Variants in TEX2 observed in about 807,000 individuals in gnomAD.
The protein encoded by TEX2 is testis-expressed protein 2.
Under a neutral mutation model 106.9 loss-of-function variants are expected in TEX2, and 53 were observed. The observed-to-expected ratio is 0.50, with a 90% confidence interval of 0.40 to 0.62. The LOEUF (loss-of-function observed/expected upper bound fraction) is 0.62. Ranked by LOEUF, TEX2 falls within the 20% of genes least tolerant of loss-of-function variation. The pLI is 0.00. For missense variants in TEX2, 1,207 were observed against 1,379.0 expected (o/e 0.88, Z 1.98); for synonymous variants, 523 against 534.8 (o/e 0.98, Z 0.30).
intron 1 of TEX2, among the ~76,000 whole-genome samples, chr17:64,241,184 C>T (rs2033881150): frequency 6.6e-6 from 1 of 152,176 alleles, no homozygotes; most frequent in African/African-American, 2.4e-5. Flanking sequence ...GGGGTCGGTT[C>T]ATGCGTCTGG....
Position 64,148,948 on chromosome 17 carries a change from G to A in TEX2, c.*21C>T, listed in dbSNP as rs1395585704. On this transcript the variant is annotated 3_prime_UTR_variant, in exon 12 of 12. Transcript: ENST00000584379. ...ACATCCAGCTCGATGTCACAATATGGGGAACATCTGACATCACCCATCATG... is the reference window on the plus strand; with the variant it reads ...ACATCCAGCTCGATGTCACAATATGAGGAACATCTGACATCACCCATCATG... 1 of 1,613,792 alleles carries A rather than the reference G, an allele frequency of 6.2e-7. No homozygotes were observed. Among genetic ancestry groups the A allele is most frequent in the Non-Finnish European group, 8.5e-7 (1 of 1,179,874 alleles).
At chr17:64,186,800 T>C (rs1307613468) in intron 5 of TEX2, among the ~76,000 whole-genome samples, 1 of 151,876 alleles carries the variant, frequency 6.6e-6, no homozygotes, top group Non-Finnish European at 1.5e-5. Flanking sequence ...CACTCCAGCC[T>C]GGGTGACACT....
intron 6 of TEX2, among the ~76,000 whole-genome samples, chr17:64,173,640 T>C (rs1305360048): frequency 6.6e-6 from 1 of 152,194 alleles, no homozygotes; most frequent in Non-Finnish European, 1.5e-5. Flanking sequence ...GGAGAACCTT[T>C]TTCCAAAGCA....
intron 2 of TEX2, among the ~76,000 whole-genome samples, chr17:64,210,324 G>A (rs1471536153): frequency 1.3e-5 from 2 of 152,022 alleles, no homozygotes; most frequent in Admixed American, 1.3e-4. Context: ...CCATGTGAAA[G>A]AAAGAAAAAA....
At chr17:64,192,403 C>T (rs1488883972) in intron 4 of TEX2, among the ~76,000 whole-genome samples, 2 of 152,168 alleles carry the variant, frequency 1.3e-5, no homozygotes, top group South Asian at 4.1e-4. Context: ...TGGAGTGATG[C>T]GGCTGCGGGC....
At chr17:64,238,778 G>A (rs782303909) in intron 1 of TEX2, among the ~76,000 whole-genome samples, 2 of 152,168 alleles carry the variant, frequency 1.3e-5, no homozygotes, top group Non-Finnish European at 2.9e-5. Flanking sequence ...AATTCAAGAT[G>A]AGATATGGGT....
chr17:64,177,739 T>C (rs1052097891), intron 5 of TEX2, among the ~76,000 whole-genome samples: 1 of 152,242 alleles, frequency 6.6e-6, no homozygotes, highest in Non-Finnish European at 1.5e-5. Context: ...TTCATACTAT[T>C]AGCTTAGCCA....
intron 2 of TEX2, among the ~76,000 whole-genome samples, chr17:64,207,151 T>G (rs782249700): frequency 3.9e-5 from 6 of 152,232 alleles, no homozygotes; most frequent in Admixed American, 6.5e-5. Flanking sequence ...AAAACTGCAA[T>G]GCTCCTTGAA....
At chr17:64,225,979 A>C (rs936852874) in intron 1 of TEX2, among the ~76,000 whole-genome samples, 2 of 152,176 alleles carry the variant, frequency 1.3e-5, no homozygotes, top group African/African-American at 4.8e-5. Flanking sequence ...TGGCTTCCCA[A>C]AGTGCTGGGA....
Position 64,177,456 on chromosome 17 carries a change from G to T in TEX2, c.2440C>A (p.Pro814Thr), listed in dbSNP as rs1033345325. 1.2e-6 allele frequency: 2 copies of T among 1,613,134 alleles called. No homozygotes were observed. Among genetic ancestry groups the T allele is most frequent in the Admixed American group, 3.4e-5 (2 of 59,614 alleles). The change falls in exon 6 of 12, where the codon CCC becomes ACC. Residue 814 changes from proline (P) to threonine (T), a missense_variant. Physicochemically the swap from Pro to Thr is conservative, Grantham distance 38. Coordinates refer to ENST00000584379, the MANE Select transcript of TEX2 (RefSeq NM_001288732.2). The stretch of plus-strand genomic sequence containing the variant: ...GCTTCCTGTTCTTCCTCCTCAGAGG[G>T]TGGAACCTCTGGCAACTGGCAAAAG... ...TAGKKLPEVP[P>T]SEEEEQEAWV...
At chr17:64,208,855 G>A (rs2032917216) in intron 2 of TEX2, among the ~76,000 whole-genome samples, 2 of 152,052 alleles carry the variant, frequency 1.3e-5, no homozygotes, top group South Asian at 4.1e-4. Flanking sequence ...TCAAACTCCT[G>A]GCTTCAGGTG....
At chr17:64,181,417 A>G (rs2031851496) in intron 5 of TEX2, among the ~76,000 whole-genome samples, 1 of 134,424 alleles carries the variant, frequency 7.4e-6, no homozygotes, top group Non-Finnish European at 1.5e-5. Context: ...CAGAGGTTGC[A>G]GTGGGCCGAG....
rs560585362 is a variant in TEX2 at position 64,153,706 on chromosome 17, G to A, written c.2931-552C>T. On this transcript the variant is annotated intron_variant, in intron 9 of 11. Coordinates refer to ENST00000584379, the MANE Select transcript of TEX2 (RefSeq NM_001288732.2). This position sits in a 1 kb window ranked among gnomAD's most constrained non-coding sequence, Gnocchi z 4.1. ...TTGAGTGGCAATTACTTTTCAAAGGGCTTGGAACTTCTTAAAGAAAAATGT... is the reference window on the plus strand; with the variant it reads ...TTGAGTGGCAATTACTTTTCAAAGGACTTGGAACTTCTTAAAGAAAAATGT... Among the ~76,000 whole-genome samples the A allele has an allele frequency of 1.3e-5, 2 of 152,268 alleles. No individual in the cohort carries two copies. Among genetic ancestry groups the A allele is most frequent in the East Asian group, 3.9e-4 (2 of 5,180 alleles).
At position 64,186,500 on chromosome 17, in the gene TEX2, A is replaced by G. The variant is rs16947554; in HGVS notation, c.2424+1668T>C. Among the ~76,000 whole-genome samples the G allele has an allele frequency of 3.7e-3, 570 of 152,350 alleles. 2 individuals are homozygous for G. The highest frequency in any genetic ancestry group is 0.013 in the African/African-American group (543 of 41,578). On this transcript the variant is annotated intron_variant, in intron 5 of 11. Transcript: ENST00000584379. ...CAATGGCTTGCTTCTCATTAAGAAC[A>G]GAAATACACATGGTCATTGTAAGAG...
chr17:64,231,324 T>G (rs528380825), intron 1 of TEX2, among the ~76,000 whole-genome samples: 1 of 147,146 alleles, frequency 6.8e-6, no homozygotes, highest in Non-Finnish European at 1.5e-5. Context: ...TCAGCCTCAC[T>G]AAGAATCTTG....
In TEX2 at chr17:64,160,791, A is replaced by C. The variant is rs1328149264; in HGVS notation, c.2804+10T>G. 1 of 1,613,252 alleles carries C rather than the reference A, an allele frequency of 6.2e-7. No individual in the cohort carries two copies. Among genetic ancestry groups the C allele is most frequent in the African/African-American group, 1.3e-5 (1 of 74,856 alleles). ...GGATTGGATTAGTAAATTCATATAT[A>C]GCCCCTTACCCTTCTTTGCCAATTT... On this transcript the variant is annotated intron_variant, in intron 8 of 11. Transcript: ENST00000584379.
At chr17:64,188,540 G>C in intron 4 of TEX2, 125 bp from the exon 5 acceptor site, 4 of 1,457,412 alleles carry the variant, frequency 2.7e-6, no homozygotes, top group Non-Finnish European at 3.7e-6. Flanking sequence ...TAAGGGGCTG[G>C]GCATGGTGGC....
chr17:64,168,902 C>T lies in TEX2; in HGVS notation c.2671+2198G>A, dbSNP rs866946683. Among the ~76,000 whole-genome samples, 127 of 106,922 alleles carry T rather than the reference C, an allele frequency of 1.2e-3. 1 individual carries two copies. In the Middle Eastern group the frequency reaches 0.042, roughly 36 times the overall value. 70.1% of individuals were successfully genotyped at this position (106,922 alleles called of 152,430 possible). A position where few individuals can be genotyped will look rare whatever the true frequency, so the allele number is the denominator to read the frequency against. On this transcript the variant is annotated intron_variant, in intron 7 of 11. Coordinates refer to ENST00000584379, the MANE Select transcript of TEX2 (RefSeq NM_001288732.2). ...CTATGCAGTGAACACATAGATGGTG[C>T]TTTTTTTTTTTTTTTTTGAGACAGA...
chr17:64,217,342 G>A lies in TEX2; in HGVS notation c.-25-3100C>T, dbSNP rs1555632771. Among the ~76,000 whole-genome samples the A allele has an allele frequency of 6.6e-6, 1 of 152,188 alleles. No homozygotes were observed. The highest frequency in any genetic ancestry group is 2.4e-5 in the African/African-American group (1 of 41,436). On this transcript the variant is annotated intron_variant, in intron 1 of 11. Coordinates refer to ENST00000584379, the MANE Select transcript of TEX2 (RefSeq NM_001288732.2). This position sits in a 1 kb window ranked among gnomAD's most constrained non-coding sequence, Gnocchi z 4.3. ...AGCCACAGCCATGCAGGACAGCCAA[G>A]GCCAAGAGGAAGGACCTGACTGACA... is the stretch of plus-strand genomic sequence containing the variant.
Sources: gnomAD v4.1 joint callset for allele counts (sites outside exome capture counted in the v4.1 genomes callset) on GRCh38, gnomAD v4.1.1 for gene constraint, Gnocchi (gnomAD v3.1) non-coding constraint, MANE v1.5 for transcripts, NCBI Gene and HGNC (gene_info 2026-07-23, HGNC 2026-07-21) for gene names.